DPP4: variants seen among roughly 807,000 people sequenced by gnomAD.
DPP4 encodes ADCP-2.
A neutral mutation model predicts 122.4 loss-of-function variants in DPP4; 93 were observed. That is an observed-to-expected ratio of 0.76 (90% CI 0.64 to 0.90). DPP4 has a LOEUF of 0.90. DPP4 is among the 40% of genes least tolerant of loss of function. The probability of loss-of-function intolerance (pLI) is 0.00; values close to 1 mark genes in which losing one functional copy is unlikely to be tolerated. For synonymous variants in DPP4, 321 were observed against 302.9 expected (o/e 1.06, Z -0.62); for missense variants, 914 against 907.3 (o/e 1.01, Z -0.09).
chr2:162,071,035 C>T (rs1685096041), intron 2 of DPP4, among the ~76,000 whole-genome samples: 1 of 152,158 alleles, frequency 6.6e-6, no homozygotes, highest in East Asian at 1.9e-4. Flanking sequence ...CTGACCTGTA[C>T]TGTAAGTGTC....
At chr2:161,996,345 A>G (rs1451297414) in intron 23 of DPP4, among the ~76,000 whole-genome samples, 1 of 152,222 alleles carries the variant, frequency 6.6e-6, no homozygotes, top group Non-Finnish European at 1.5e-5. Flanking sequence ...CAGCATCTCC[A>G]TGGGTTTAAA....
chr2:162,022,842 C>A, intron 11 of DPP4, 43 bp from the exon 12 acceptor site: 2 of 1,599,716 alleles, frequency 1.3e-6, no homozygotes, highest in South Asian at 2.2e-5. Flanking sequence ...AAAGAGAAGT[C>A]AGATGAAATC....
At chr2:162,022,693 C>G (rs987905569) in intron 12 of DPP4, 62 bp downstream of exon 12, 2 of 1,511,606 alleles carry the variant, frequency 1.3e-6, no homozygotes, top group African/African-American at 2.7e-5. Context: ...TTTTAAATAG[C>G]TGCATATCAA....
At chr2:162,059,342 T>C (rs1684682638) in intron 2 of DPP4, among the ~76,000 whole-genome samples, 1 of 152,180 alleles carries the variant, frequency 6.6e-6, no homozygotes, top group African/African-American at 2.4e-5. Flanking sequence ...AACTAATACG[T>C]ACAGGGCTTC....
At chr2:162,034,981 C>G (rs994972305) in intron 9 of DPP4, among the ~76,000 whole-genome samples, 183 bp downstream of exon 9, 1 of 151,940 alleles carries the variant, frequency 6.6e-6, no homozygotes, top group Non-Finnish European at 1.5e-5. Context: ...AACCTTAAAT[C>G]ACACTCTTTC....
At chr2:162,003,305 G>A (rs980452099) in intron 23 of DPP4, among the ~76,000 whole-genome samples, 3 of 152,264 alleles carry the variant, frequency 2.0e-5, no homozygotes, top group Middle Eastern at 3.4e-3. Flanking sequence ...GGTAGAGCTG[G>A]AGAAGAGGGG....
chr2:162,029,129 CA>C (rs1160027852), intron 10 of DPP4, among the ~76,000 whole-genome samples: 1 of 152,180 alleles, frequency 6.6e-6, no homozygotes, highest in Non-Finnish European at 1.5e-5. Context: ...GAAAATCACA[CA>C]ACAGAGAATC....
rs1701268926 is a variant in DPP4 at position 162,005,799 on chromosome 2, G to A, written c.1998C>T (p.Tyr666=). 4 of 1,612,258 alleles carry A rather than the reference G, an allele frequency of 2.5e-6. No individual in the cohort carries two copies. Among genetic ancestry groups the A allele is most frequent in the East Asian group, 2.2e-5 (1 of 44,778 alleles). The part of the protein sequence containing the change: ...VSRWEYYDSV[Y]TERYMGLPTP... ...TTGGGAGACCCATGTAACGTTCTGT[G>A]TACACTGAGTCTGTGAAAGAAAAAA... The change falls in exon 23 of 26, where the codon TAC becomes TAT. Residue 666 remains tyrosine (Y), a synonymous_variant. Coordinates refer to ENST00000360534, the MANE Select transcript of DPP4 (RefSeq NM_001935.4).
intron 2 of DPP4, among the ~76,000 whole-genome samples, chr2:162,063,024 A>T (rs1273475465): frequency 6.6e-6 from 1 of 151,560 alleles, no homozygotes; most frequent in Non-Finnish European, 1.5e-5. Context: ...AATTTAGGGG[A>T]AGGGCAATTG....
rs1186454442 is a variant in DPP4, at chr2:161,993,153, A to G, written c.*130T>C. ...ATGATAGGTATGAAATTTGGGAACA[A>G]AGGTAACCTTAAGTTTCTTGATTTG... On this transcript the variant is annotated 3_prime_UTR_variant, in exon 26 of 26. Transcript: ENST00000360534. 4.3e-6 allele frequency: 3 copies of G among 696,758 alleles called. No individual in the cohort carries two copies. The highest frequency in any genetic ancestry group is 7.3e-6 in the Non-Finnish European group (3 of 409,708). 43.2% of individuals were successfully genotyped at this position (696,758 alleles called of 1,614,324 possible). A position where few individuals can be genotyped will look rare whatever the true frequency, so the allele number is the denominator to read the frequency against.
Position 162,073,571 on chromosome 2 carries a change from G to A in DPP4, c.7-85C>T. Reference sequence around the variant, plus strand: ...GAGGGTCGGGGCTGCTCCAGAGGCAGCAGGATTTGCAGGTGGGAGTGCGTT... The same window carrying A: ...GAGGGTCGGGGCTGCTCCAGAGGCAACAGGATTTGCAGGTGGGAGTGCGTT... On this transcript the variant is annotated intron_variant, in intron 1 of 25. Coordinates refer to ENST00000360534, the MANE Select transcript of DPP4 (RefSeq NM_001935.4). 4.4e-6 allele frequency: 6 copies of A among 1,353,914 alleles called. No individual in the cohort carries two copies. In the South Asian group the frequency reaches 5.9e-5, roughly 13 times the overall value. The allele number at this position is 1,353,914 out of a possible 1,614,324, so 83.9% of individuals were successfully genotyped here. A position where few individuals can be genotyped will look rare whatever the true frequency, so the allele number is the denominator to read the frequency against.
rs1360023828 is a variant in DPP4, at chr2:162,004,598, CA to C, written c.2052+1146del. On this transcript the variant is annotated intron_variant, in intron 23 of 25. Transcript: ENST00000360534. ...TCACAGCTCCCTGCACACACACACA[CA>C]CACGCACACACACACATACACCTTA... Among the ~76,000 whole-genome samples the C allele has an allele frequency of 2.0e-5, 3 of 151,834 alleles. No individual in the cohort carries two copies. The East Asian group carries it at 5.8e-4, about 29-fold the overall frequency.
intron 14 of DPP4, 115 bp from the exon 15 acceptor site, chr2:162,019,391 C>A: frequency 1.6e-6 from 1 of 621,412 alleles, no homozygotes. Context: ...CACGGGTGCC[C>A]GCCGCCCTCC....
At chr2:161,993,479 A>G (rs375566802) in intron 25 of DPP4, 95 bp from the exon 26 acceptor site, 7 of 882,482 alleles carry the variant, frequency 7.9e-6, no homozygotes, top group East Asian at 4.9e-5. Flanking sequence ...ACGAGCATAC[A>G]TGGTATAAAA....
Position 162,035,307 on chromosome 2 carries a change from A to C in DPP4, c.631T>G (p.Tyr211Asp), listed in dbSNP as rs1246260417. ...WVYEEEVFSA[Y>D]SALWWSPNGT... ...TTTGGAGACCACCACAGAGCAGAGT[A>C]GGCACTGAAGACTTCCTCTGAAAAA... is the stretch of plus-strand genomic sequence containing the variant. Residue 211 changes from tyrosine to aspartate, a missense_variant, in exon 9 of 26, where the codon TAC (tyrosine) becomes GAC (aspartate). Transcript: ENST00000360534. 3.1e-6 allele frequency: 5 copies of C among 1,611,362 alleles called. No homozygotes were observed.
At position 162,061,264 on chromosome 2, in the gene DPP4, T is replaced by G. The variant is rs974360490; in HGVS notation, c.94+12135A>C. 4.6e-5 allele frequency among the ~76,000 whole-genome samples: 7 copies of G among 152,274 alleles called. No individual in the cohort carries two copies. The East Asian group carries it at 1.2e-3, about 25-fold the overall frequency. On this transcript the variant is annotated intron_variant, in intron 2 of 25. Coordinates refer to ENST00000360534, the MANE Select transcript of DPP4 (RefSeq NM_001935.4). ...GCTCTGTGGTTAAGGATGCAGAGTG[T>G]GTACTGATCTTAAAGAAATACTTAC...
At chr2:162,038,516 A>T in intron 7 of DPP4, 94 bp from the exon 8 acceptor site, 1 of 1,303,848 alleles carries the variant, frequency 7.7e-7, no homozygotes, top group Non-Finnish European at 1.1e-6. Context: ...AAATGTAAGG[A>T]TTACCATAGT....
intron 23 of DPP4, 185 bp downstream of exon 23, chr2:162,005,560 A>T: frequency 1.8e-6 from 1 of 542,282 alleles, no homozygotes; most frequent in Non-Finnish European, 3.3e-6. Flanking sequence ...TACGATAAAG[A>T]CTGTAATTAT....
intron 5 of DPP4, among the ~76,000 whole-genome samples, chr2:162,041,641 A>G (rs1683990712): frequency 1.3e-5 from 2 of 152,222 alleles, no homozygotes; most frequent in Admixed American, 1.3e-4. Flanking sequence ...AACCTCAAGC[A>G]AAATATTCAC....
Sources: allele counts gnomAD v4.1 joint callset (sites outside exome capture counted in the v4.1 genomes callset), GRCh38; gene constraint gnomAD v4.1.1; transcripts MANE v1.5; gene names NCBI Gene and HGNC (gene_info 2026-07-23, HGNC 2026-07-21).